ASRGL1: variants seen among roughly 807,000 people sequenced by gnomAD.
ASRGL1 encodes isoaspartyl peptidase/L-asparaginase.
A neutral mutation model predicts 22.4 loss-of-function variants in ASRGL1; 16 were observed. That is an observed-to-expected ratio of 0.71 (90% CI 0.48 to 1.08). The LOEUF (loss-of-function observed/expected upper bound fraction) is 1.08, where lower values mean the gene tolerates loss of function less well. Among genes scored for constraint, ASRGL1 ranks in the 50% least tolerant of loss-of-function variants. The pLI, the probability that ASRGL1 is intolerant of heterozygous loss-of-function variation, is 0.00. For missense variants in ASRGL1, 412 were observed against 410.1 expected (o/e 1.00, Z -0.04); for synonymous variants, 165 against 159.3 (o/e 1.04, Z -0.27).
intron 4 of ASRGL1, among the ~76,000 whole-genome samples, chr11:62,359,740 T>G (rs1397851527): frequency 6.6e-6 from 1 of 152,058 alleles, no homozygotes; most frequent in Non-Finnish European, 1.5e-5. Context: ...CTCCTGTAGT[T>G]GCTAACTCTC....
At chr11:62,344,440 T>A (rs963217181) in intron 2 of ASRGL1, among the ~76,000 whole-genome samples, 2 of 152,196 alleles carry the variant, frequency 1.3e-5, no homozygotes, top group African/African-American at 2.4e-5. Flanking sequence ...AGTTTTTTTT[T>A]AAACCAGTCA....
At chr11:62,386,873 C>A (rs1947224266) in intron 4 of ASRGL1, among the ~76,000 whole-genome samples, 1 of 151,270 alleles carries the variant, frequency 6.6e-6, no homozygotes, top group South Asian at 2.1e-4. Flanking sequence ...TACTGGAGGG[C>A]AGGTGGAGTG....
At chr11:62,395,285 C>T (rs979822222), downstream of ASRGL1, among the ~76,000 whole-genome samples, 7 of 152,064 alleles carry the variant, frequency 4.6e-5, no homozygotes, top group Admixed American at 3.3e-4. Flanking sequence ...TCTGGCAGCC[C>T]GGCCCCGCCC....
At chr11:62,400,255 G>T in the ASRGL1 span, among the ~76,000 whole-genome samples, 2 of 152,316 alleles carry the variant, frequency 1.3e-5, no homozygotes, top group Non-Finnish European at 2.9e-5. Context: ...CCTCACAGGG[G>T]GAACAGTAGT....
Position 62,392,220 on chromosome 11 carries a change from CCAAGGACGG to C in ASRGL1, c.868_876del (p.Asp290_Lys292del). The C allele has an allele frequency of 1.2e-6, 2 of 1,614,212 alleles. No individual in the cohort carries two copies. The highest frequency in any genetic ancestry group is 1.7e-6 in the Non-Finnish European group (2 of 1,180,042). On this transcript the variant is annotated inframe_deletion, in exon 7 of 7. Transcript: ENST00000415229. ...TCCACCTCCATGCCCTGGGCAGCCGCCAAGGACGGCAAGCTGCACTTCGGAATTGATCCT... is the reference window on the plus strand; with the variant it reads ...TCCACCTCCATGCCCTGGGCAGCCGCCAAGCTGCACTTCGGAATTGATCCT...
chr11:62,339,935 C>T (rs1473624621), intron 2 of ASRGL1, among the ~76,000 whole-genome samples: 2 of 152,096 alleles, frequency 1.3e-5, no homozygotes, highest in South Asian at 2.1e-4. Flanking sequence ...GTCCCCTTTA[C>T]GCAGCACTCT....
At chr11:62,348,207 C>T (rs1946078215) in intron 2 of ASRGL1, among the ~76,000 whole-genome samples, 1 of 152,156 alleles carries the variant, frequency 6.6e-6, no homozygotes, top group South Asian at 2.1e-4. Context: ...AGGGGTTTTT[C>T]TTGCCTGCTA....
chr11:62,372,270 G>T, intron 4 of ASRGL1: 1 of 1,599,754 alleles, frequency 6.3e-7, no homozygotes, highest in Admixed American at 1.7e-5. Flanking sequence ...GACGGAAACG[G>T]GCTCCGTGTT....
chr11:62,386,505 T>C (rs1440599622), intron 4 of ASRGL1, among the ~76,000 whole-genome samples: 1 of 142,134 alleles, frequency 7.0e-6, no homozygotes, highest in Non-Finnish European at 1.6e-5. Flanking sequence ...TATATAGATA[T>C]GTATAGGGGG....
At chr11:62,372,726 C>G in intron 4 of ASRGL1, 12 of 1,461,444 alleles carry the variant, frequency 8.2e-6, no homozygotes, top group Non-Finnish European at 1.2e-5. Flanking sequence ...GATGGTCCCC[C>G]GCCTGGTGAA....
At chr11:62,371,700 C>T in intron 4 of ASRGL1, 1 of 595,236 alleles carries the variant, frequency 1.7e-6, no homozygotes, top group Non-Finnish European at 3.3e-6. Context: ...GGCTTGTAAT[C>T]CCAGCACTTT....
In ASRGL1 at chr11:62,391,779, C is replaced by T; in HGVS notation, c.721+147C>T. On this transcript the variant is annotated intron_variant, in intron 6 of 6. Transcript: ENST00000415229. The stretch of plus-strand genomic sequence containing the variant: ...AGGCCGTTAACACCTTGTTTTGACT[C>T]TCCGCCTTCCCTTAGGTCTGGAATG... 10 of 1,042,344 alleles carry T rather than the reference C, an allele frequency of 9.6e-6. No homozygotes were observed. In the South Asian group the frequency reaches 1.7e-4, roughly 17 times the overall value. 64.6% of individuals were successfully genotyped at this position (1,042,344 alleles called of 1,614,324 possible).
intron 4 of ASRGL1, among the ~76,000 whole-genome samples, chr11:62,381,000 C>CA (rs1484600727): frequency 2.0e-5 from 3 of 152,142 alleles, no homozygotes; most frequent in African/African-American, 7.2e-5. Context: ...GTGCTGGAAA[C>CA]ACTCCTGGCT....
chr11:62,380,863 G>A (rs1248127354), intron 4 of ASRGL1, among the ~76,000 whole-genome samples: 2 of 152,098 alleles, frequency 1.3e-5, no homozygotes, highest in African/African-American at 2.4e-5. Context: ...GAATTGCCAC[G>A]CCTCAATATC....
At chr11:62,397,044 T>C (rs755244754), downstream of ASRGL1, among the ~76,000 whole-genome samples, 9 of 152,172 alleles carry the variant, frequency 5.9e-5, no homozygotes, top group Non-Finnish European at 7.3e-5. Flanking sequence ...TGTTTGTTTT[T>C]TTTGAGACGG....
At chr11:62,349,662 C>T (rs1448338632) in intron 2 of ASRGL1, among the ~76,000 whole-genome samples, 1 of 152,072 alleles carries the variant, frequency 6.6e-6, no homozygotes, top group Non-Finnish European at 1.5e-5. Flanking sequence ...CGATCCAGAC[C>T]CCAAGAGAAG....
intron 4 of ASRGL1, among the ~76,000 whole-genome samples, chr11:62,365,757 G>GA (rs1946598158): frequency 6.6e-6 from 1 of 152,162 alleles, no homozygotes; most frequent in South Asian, 2.1e-4. Context: ...GGCTGAAGCA[G>GA]AGAATTCCTT....
At chr11:62,390,578 CT>C (rs1947314194) in intron 5 of ASRGL1, among the ~76,000 whole-genome samples, 1 of 152,192 alleles carries the variant, frequency 6.6e-6, no homozygotes, top group Non-Finnish European at 1.5e-5. Flanking sequence ...TATTAGGGCA[CT>C]TTGACACCAT....
intron 4 of ASRGL1, chr11:62,372,525 C>A: frequency 9.9e-7 from 1 of 1,013,788 alleles, no homozygotes; most frequent in Non-Finnish European, 1.6e-6. Flanking sequence ...AGTATGACTG[C>A]AAACTAGTTC....
Sources: allele counts gnomAD v4.1 joint callset (sites outside exome capture counted in the v4.1 genomes callset), GRCh38; gene constraint gnomAD v4.1.1; transcripts MANE v1.5; gene names NCBI Gene and HGNC (gene_info 2026-07-23, HGNC 2026-07-21).